HS6ST3: variants seen among roughly 807,000 people sequenced by gnomAD.
The protein encoded by HS6ST3 is heparan-sulfate 6-O-sulfotransferase 3.
HS6ST3 carries 12 observed loss-of-function variants against 36.7 expected under a neutral mutation model. The ratio of observed to expected loss-of-function variants is 0.33; its 90% CI spans 0.21 to 0.53. HS6ST3 has a LOEUF of 0.53. Ranked by LOEUF, HS6ST3 falls within the 20% of genes least tolerant of loss-of-function variation. The probability of loss-of-function intolerance (pLI) is 0.95; values close to 1 mark genes in which losing one functional copy is unlikely to be tolerated. For synonymous variants in HS6ST3, 240 were observed against 257.5 expected (o/e 0.93, Z 0.65); for missense variants, 584 against 640.9 (o/e 0.91, Z 0.96).
chr13:96,755,644 T>C (rs916392193), intron 1 of HS6ST3, among the ~76,000 whole-genome samples: 1 of 152,226 alleles, frequency 6.6e-6, no homozygotes, highest in Non-Finnish European at 1.5e-5. Flanking sequence ...ATTACAGGCC[T>C]GAGCCACCAC....
intron 1 of HS6ST3, among the ~76,000 whole-genome samples, chr13:96,284,907 T>TTTGCTTGC (rs571805266): frequency 0.044 from 5,656 of 129,010 alleles, 233 homozygotes; most frequent in East Asian, 0.087. Flanking sequence ...TGAATGCATA[T>TTTGCTTGC]TTGCTTTCTT....
chr13:96,436,202 A>G (rs1486921525), intron 1 of HS6ST3, among the ~76,000 whole-genome samples: 2 of 152,188 alleles, frequency 1.3e-5, no homozygotes, highest in Non-Finnish European at 2.9e-5. Flanking sequence ...AAATTTATCT[A>G]TTGAGACATT....
At chr13:96,758,044 C>T (rs115033763) in intron 1 of HS6ST3, among the ~76,000 whole-genome samples, 3 of 151,898 alleles carry the variant, frequency 2.0e-5, no homozygotes, top group African/African-American at 7.2e-5. Flanking sequence ...TATAGAATGA[C>T]CAGTTAATCT....
chr13:96,805,823 T>C (rs561274072), intron 1 of HS6ST3, among the ~76,000 whole-genome samples: 1 of 152,200 alleles, frequency 6.6e-6, no homozygotes, highest in Non-Finnish European at 1.5e-5. Context: ...ATGGTGAAAC[T>C]GAGTTAGACA....
intron 1 of HS6ST3, among the ~76,000 whole-genome samples, chr13:96,343,240 T>A (rs2055138778): frequency 6.6e-6 from 1 of 152,206 alleles, no homozygotes; most frequent in African/African-American, 2.4e-5. Flanking sequence ...ACAAAACAGA[T>A]GCATTATCTA....
At chr13:96,486,850 C>G (rs779155659) in intron 1 of HS6ST3, among the ~76,000 whole-genome samples, 2 of 152,048 alleles carry the variant, frequency 1.3e-5, no homozygotes, top group Admixed American at 6.6e-5. Context: ...ACTGAGAAGG[C>G]AGTAAACTAA....
chr13:96,092,282 G>A (rs2053768743), intron 1 of HS6ST3, among the ~76,000 whole-genome samples: 1 of 152,186 alleles, frequency 6.6e-6, no homozygotes, highest in African/African-American at 2.4e-5. Flanking sequence ...CCTACAGGGT[G>A]CCTGACAGTG....
chr13:96,110,245 GA>G (rs1358743764), intron 1 of HS6ST3, among the ~76,000 whole-genome samples: 1 of 151,968 alleles, frequency 6.6e-6, no homozygotes, highest in Non-Finnish European at 1.5e-5. Flanking sequence ...GGGAGCAAGA[GA>G]AAGAGGAGGA....
chr13:96,525,231 C>T (rs932717358), intron 1 of HS6ST3, among the ~76,000 whole-genome samples: 3 of 152,142 alleles, frequency 2.0e-5, no homozygotes, highest in Admixed American at 6.5e-5. Flanking sequence ...AGGCAAATTG[C>T]TTAATTTCTA....
intron 1 of HS6ST3, among the ~76,000 whole-genome samples, chr13:96,656,734 T>C (rs2056626245): frequency 6.6e-6 from 1 of 152,120 alleles, no homozygotes; most frequent in Non-Finnish European, 1.5e-5. Flanking sequence ...AATCCTTCAA[T>C]GAATTGGCTA....
intron 1 of HS6ST3, among the ~76,000 whole-genome samples, chr13:96,454,129 G>T (rs946366208): frequency 2.0e-5 from 3 of 152,026 alleles, no homozygotes; most frequent in Non-Finnish European, 4.4e-5. Flanking sequence ...TGGCTTTGTG[G>T]GCAGTAGATG....
At chr13:96,484,916 G>A (rs956186719) in intron 1 of HS6ST3, among the ~76,000 whole-genome samples, 1 of 152,128 alleles carries the variant, frequency 6.6e-6, no homozygotes, top group African/African-American at 2.4e-5. Context: ...CCTCCATACT[G>A]TTTTTCATAA....
chr13:96,658,265 C>CTTTTT (rs1594829381), intron 1 of HS6ST3, among the ~76,000 whole-genome samples: 1 of 67,288 alleles, frequency 1.5e-5, no homozygotes, highest in East Asian at 6.1e-4. Context: ...TTCTCTTCTT[C>CTTTTT]TTCTTTTTTT....
chr13:96,327,305 G>A (rs1359995433), intron 1 of HS6ST3, among the ~76,000 whole-genome samples: 1 of 151,768 alleles, frequency 6.6e-6, no homozygotes, highest in African/African-American at 2.4e-5. Flanking sequence ...GGGTTTTTAT[G>A]GTTTTAGGAC....
At chr13:96,292,257 ATTACT>A (rs895283518) in intron 1 of HS6ST3, among the ~76,000 whole-genome samples, 2 of 151,828 alleles carry the variant, frequency 1.3e-5, no homozygotes, top group Non-Finnish European at 2.9e-5. Flanking sequence ...GAAGGTTTAT[ATTACT>A]TTAAAGTGAT....
intron 1 of HS6ST3, among the ~76,000 whole-genome samples, chr13:96,335,298 C>T (rs1438327642): frequency 1.3e-5 from 2 of 152,066 alleles, no homozygotes; most frequent in Admixed American, 1.3e-4. Flanking sequence ...CTAGAGTCAC[C>T]CAGACCTGCT....
chr13:96,328,309 C>T (rs2055044318), intron 1 of HS6ST3, among the ~76,000 whole-genome samples: 1 of 149,996 alleles, frequency 6.7e-6, no homozygotes, highest in South Asian at 2.1e-4. Context: ...ATGATATTGG[C>T]TGTGGGTTTG....
At chr13:96,235,703 AG>A (rs1384952679) in intron 1 of HS6ST3, among the ~76,000 whole-genome samples, 1 of 152,044 alleles carries the variant, frequency 6.6e-6, no homozygotes, top group Admixed American at 6.6e-5. Context: ...TCCAAATCCT[AG>A]TTGTCATCTA....
chr13:96,569,614 G>A (rs116392423), intron 1 of HS6ST3, among the ~76,000 whole-genome samples: 1,606 of 152,196 alleles, frequency 0.011, 27 homozygotes, highest in African/African-American at 0.032. Context: ...GTTAAAAATT[G>A]AAAATCTTTT....
Sources: gnomAD v4.1 joint callset for allele counts (sites outside exome capture counted in the v4.1 genomes callset) on GRCh38, gnomAD v4.1.1 for gene constraint, MANE v1.5 for transcripts, NCBI Gene and HGNC (gene_info 2026-07-23, HGNC 2026-07-21) for gene names.